The following ATP8B4 variants were observed in gnomAD, a reference collection of about 807,000 sequenced individuals.
ATP8B4 encodes ATPase phospholipid transporting 8B4 (putative), also known as probable phospholipid-transporting ATPase IM.
A neutral mutation model predicts 145.6 loss-of-function variants in ATP8B4; 133 were observed. The observed-to-expected ratio is 0.91, with a 90% CI of 0.79 to 1.05. The LOEUF (loss-of-function observed/expected upper bound fraction) is 1.05. ATP8B4 is among the 50% of genes least tolerant of loss of function. The probability of loss-of-function intolerance (pLI) is 0.00; values close to 1 mark genes in which losing one functional copy is unlikely to be tolerated. For missense variants in ATP8B4, 1,458 were observed against 1,425.2 expected, an observed-to-expected ratio of 1.02 and a Z score of -0.37; for synonymous variants, 507 against 492.9, an observed-to-expected ratio of 1.03 and a Z score of -0.38.
intron 7 of ATP8B4, among the ~76,000 whole-genome samples, chr15:50,003,274 A>ATGTGTG (rs10539979): frequency 0.063 from 8,936 of 141,084 alleles, 404 homozygotes; most frequent in African/African-American, 0.13. Context: ...TAGGGTGTGC[A>ATGTGTG]TGTGTGTGTG....
In ATP8B4 at chr15:49,918,875, T is replaced by C. The variant is rs138365594; in HGVS notation, c.1999A>G (p.Asn667Asp). 1.8e-5 allele frequency: 29 copies of C among 1,613,344 alleles called. No homozygotes were observed. Among genetic ancestry groups the C allele is most frequent in the Non-Finnish European group, 2.3e-5 (27 of 1,179,490 alleles). The change falls in exon 19 of 28, where the codon AAT (asparagine) becomes GAT (aspartate). Residue 667 changes from asparagine (N) to aspartate (D), a missense_variant. Coordinates refer to ENST00000284509, the MANE Select transcript of ATP8B4 (RefSeq NM_024837.4). ...IETVTSLSLANIKIWVLTGDK... is the reference protein window; with the variant it reads ...IETVTSLSLADIKIWVLTGDK... Reference sequence around the variant, plus strand: ...CCTGTTAGGACCCAGATCTTAATATTGGCTAGTGATAAACTTGTAACTGTT... The same window carrying C: ...CCTGTTAGGACCCAGATCTTAATATCGGCTAGTGATAAACTTGTAACTGTT...
intron 2 of ATP8B4, among the ~76,000 whole-genome samples, chr15:50,096,597 C>G (rs1353553255): frequency 6.6e-6 from 1 of 152,060 alleles, no homozygotes; most frequent in Non-Finnish European, 1.5e-5. Context: ...AATTCTAGAC[C>G]GCACCTAGGA....
chr15:50,042,780 T>C (rs1354953977), intron 5 of ATP8B4, among the ~76,000 whole-genome samples: 4 of 152,116 alleles, frequency 2.6e-5, no homozygotes, highest in Non-Finnish European at 5.9e-5. Flanking sequence ...AGATGGACTA[T>C]TACAGACTAA....
At chr15:50,079,064 A>T (rs1182611448) in intron 2 of ATP8B4, among the ~76,000 whole-genome samples, 1 of 152,216 alleles carries the variant, frequency 6.6e-6, no homozygotes, top group Non-Finnish European at 1.5e-5. Flanking sequence ...GTACACTTAA[A>T]AATAACTAAA....
intron 2 of ATP8B4, among the ~76,000 whole-genome samples, chr15:50,078,163 G>GT (rs2054304143): frequency 6.6e-6 from 1 of 151,422 alleles, no homozygotes; most frequent in South Asian, 2.1e-4. Flanking sequence ...AGATATATAG[G>GT]TTTTTTAGAG....
intron 7 of ATP8B4, among the ~76,000 whole-genome samples, chr15:50,004,977 A>G: frequency 6.6e-6 from 1 of 152,226 alleles, no homozygotes; most frequent in Non-Finnish European, 1.5e-5. Flanking sequence ...TTCTAGATGC[A>G]GTGAAAGGAA....
At chr15:49,872,272 C>T (rs990667016) in intron 25 of ATP8B4, among the ~76,000 whole-genome samples, 1 of 152,034 alleles carries the variant, frequency 6.6e-6, no homozygotes, top group African/African-American at 2.4e-5. Flanking sequence ...TGGGCAAATC[C>T]CTTATACCTT....
chr15:49,925,454 A>G (rs2040629695), intron 16 of ATP8B4, among the ~76,000 whole-genome samples: 1 of 152,200 alleles, frequency 6.6e-6, no homozygotes, highest in Non-Finnish European at 1.5e-5. Flanking sequence ...TAGTGATATT[A>G]TAATGAAAAT....
chr15:50,108,596 T>G (rs2056797789), intron 1 of ATP8B4, among the ~76,000 whole-genome samples: 1 of 152,098 alleles, frequency 6.6e-6, no homozygotes, highest in Admixed American at 6.5e-5. Flanking sequence ...CACATGCTCT[T>G]CCCTCTGCCT....
chr15:49,900,422 T>C (rs866812511), intron 21 of ATP8B4, among the ~76,000 whole-genome samples: 11 of 152,234 alleles, frequency 7.2e-5, no homozygotes, highest in Admixed American at 2.0e-4. Context: ...GATTAATTCC[T>C]TGTGCATATA....
intron 2 of ATP8B4, among the ~76,000 whole-genome samples, chr15:50,083,832 G>A (rs781446483): frequency 1.3e-5 from 2 of 152,178 alleles, no homozygotes; most frequent in Admixed American, 6.5e-5. Context: ...TATTGAGCTC[G>A]TTTGAGCAAG....
Position 49,879,964 on chromosome 15 carries a change from C to A in ATP8B4, c.2698-505G>T, listed in dbSNP as rs1453058922. On this transcript the variant is annotated intron_variant, in intron 23 of 27. Transcript: ENST00000284509. ...TTTAAAGCAAGATGGGCATAAATAGCAAAACAACAAAAATATCCCCTCACA... is the reference window on the plus strand; with the variant it reads ...TTTAAAGCAAGATGGGCATAAATAGAAAAACAACAAAAATATCCCCTCACA... 3 of 152,308 alleles carry A rather than the reference C, an allele frequency of 2.0e-5. No individual in the cohort carries two copies. The East Asian group carries it at 5.8e-4, about 29-fold the overall frequency. 9.4% of individuals were successfully genotyped at this position (152,308 alleles called of 1,614,324 possible).
chr15:50,084,906 C>G (rs191757594), intron 2 of ATP8B4, among the ~76,000 whole-genome samples: 18 of 152,332 alleles, frequency 1.2e-4, no homozygotes, highest in Admixed American at 9.8e-4. Context: ...AGGATATTCT[C>G]ACCACCCTCA....
intron 2 of ATP8B4, among the ~76,000 whole-genome samples, chr15:50,083,058 G>A (rs767024325): frequency 5.0e-4 from 76 of 152,216 alleles, no homozygotes; most frequent in Admixed American, 1.1e-3. Flanking sequence ...CAAAGAGAGG[G>A]GGAAGAGCCC....
At position 49,996,771 on chromosome 15, in the gene ATP8B4, T is replaced by C. The variant is rs2047463506; in HGVS notation, c.507-12A>G. ...TTAGGTTCGTTTCCCTGTGAAATTA[T>C]TGACATGACATGAATTTTTATATGG... On this transcript the variant is annotated splice_polypyrimidine_tract_variant and intron_variant, in intron 8 of 27. Coordinates refer to ENST00000284509, the MANE Select transcript of ATP8B4 (RefSeq NM_024837.4). The C allele has an allele frequency of 6.2e-6, 10 of 1,601,070 alleles. No individual in the cohort carries two copies. Among genetic ancestry groups the C allele is most frequent in the African/African-American group, 1.3e-5 (1 of 74,656 alleles).
chr15:49,876,746 A>C (rs2034494623), intron 24 of ATP8B4: 1 of 719,000 alleles, frequency 1.4e-6, no homozygotes, highest in African/African-American at 1.7e-5. Flanking sequence ...TCCAAGAGAG[A>C]TTCATGAGAG....
At chr15:49,906,476 A>G (rs10519245) in intron 20 of ATP8B4, among the ~76,000 whole-genome samples, 10,034 of 152,252 alleles carry the variant, frequency 0.066, 1,132 homozygotes, top group African/African-American at 0.23. Flanking sequence ...TATTAACTCA[A>G]TCGCTCCTTT....
chr15:49,877,547 T>C (rs2034653395), intron 24 of ATP8B4, among the ~76,000 whole-genome samples: 1 of 152,158 alleles, frequency 6.6e-6, no homozygotes, highest in African/African-American at 2.4e-5. Flanking sequence ...GTCCTGTTTT[T>C]AGATGCTTTT....
intron 22 of ATP8B4, 138 bp downstream of exon 22, chr15:49,897,930 T>G: frequency 1.1e-6 from 1 of 951,484 alleles, no homozygotes; most frequent in Middle Eastern, 2.5e-4. Context: ...GTGGTAGCAT[T>G]GGACCCAGAA....
Sources: gnomAD v4.1 joint callset for allele counts (sites outside exome capture counted in the v4.1 genomes callset) on GRCh38, gnomAD v4.1.1 for gene constraint, MANE v1.5 for transcripts, NCBI Gene and HGNC (gene_info 2026-07-23, HGNC 2026-07-21) for gene names.